The following NEK10 variants were observed in gnomAD, a reference collection of about 807,000 sequenced individuals.
NEK10 encodes serine/threonine-protein kinase Nek10.
NEK10 carries 122 observed loss-of-function variants against 159.8 expected under a neutral mutation model. The ratio of observed to expected loss-of-function variants is 0.76; its 90% CI spans 0.66 to 0.89. NEK10 has a LOEUF of 0.89. Ranked by LOEUF, NEK10 falls within the 40% of genes least tolerant of loss-of-function variation. The pLI is 0.00. For synonymous variants in NEK10, 466 were observed against 457.1 expected, an observed-to-expected ratio of 1.02 and a Z score of -0.25; for missense variants, 1,342 against 1,323.1, an observed-to-expected ratio of 1.01 and a Z score of -0.22.
At chr3:27,166,507 A>G (rs920235071) in intron 29 of NEK10, among the ~76,000 whole-genome samples, 1 of 152,206 alleles carries the variant, frequency 6.6e-6, no homozygotes, top group African/African-American at 2.4e-5. Context: ...CCAGATACAG[A>G]TTATGAAAAA....
intron 22 of NEK10, among the ~76,000 whole-genome samples, chr3:27,267,903 T>G (rs1392774772): frequency 6.6e-6 from 1 of 152,200 alleles, no homozygotes; most frequent in Admixed American, 6.5e-5. Context: ...CAAACAGCCA[T>G]GTTGTAATGG....
Position 27,174,783 on chromosome 3 carries a change from G to A in NEK10, c.2556C>T (p.Ser852=), listed in dbSNP as rs559171346. 19 of 1,611,438 alleles carry A rather than the reference G, an allele frequency of 1.2e-5. No homozygotes were observed. In the South Asian group the frequency reaches 1.9e-4, roughly 16 times the overall value. Residue 852 remains serine, a synonymous_variant, in exon 27 of 36, where the codon AGC becomes AGT. Coordinates refer to ENST00000691995, the MANE Select transcript of NEK10 (RefSeq NM_001394966.1). The part of the protein sequence containing the change: ...SLSSSSSGAA[S]LKSELSESAD... ...CGCTTTCTGAAAGTTCACTTTTCAG[G>A]CTGGCTGCTCCACTGCTGCTGCTAC... is the stretch of plus-strand genomic sequence containing the variant.
chr3:27,289,708 C>T (rs2042864807), intron 19 of NEK10, among the ~76,000 whole-genome samples: 2 of 152,322 alleles, frequency 1.3e-5, no homozygotes, highest in South Asian at 2.1e-4. Flanking sequence ...AATGAAAGAG[C>T]ACACTGTGGA....
At chr3:27,194,648 G>T (rs978097253) in intron 25 of NEK10, 1 of 152,154 alleles carries the variant, frequency 6.6e-6, no homozygotes, top group African/African-American at 2.4e-5. Flanking sequence ...ATTGAAAGGG[G>T]TGAAAAATAT....
intron 30 of NEK10, among the ~76,000 whole-genome samples, chr3:27,152,995 A>G (rs1325663568): frequency 6.6e-6 from 1 of 152,170 alleles, no homozygotes; most frequent in African/African-American, 2.4e-5. Flanking sequence ...CTAAAACTGG[A>G]GCTTCCAAAT....
chr3:27,294,897 C>T (rs753410173), intron 15 of NEK10, among the ~76,000 whole-genome samples: 10 of 152,104 alleles, frequency 6.6e-5, no homozygotes, highest in Non-Finnish European at 1.2e-4. Flanking sequence ...TAGAACCCTG[C>T]GTAACTGTTC....
At chr3:27,236,160 G>A (rs1302017388) in intron 23 of NEK10, among the ~76,000 whole-genome samples, 1 of 152,098 alleles carries the variant, frequency 6.6e-6, no homozygotes, top group Non-Finnish European at 1.5e-5. Flanking sequence ...GAGGGTGGAG[G>A]ATGGAAGGAG....
chr3:27,176,124 T>C (rs1947482186), intron 26 of NEK10, among the ~76,000 whole-genome samples: 2 of 152,186 alleles, frequency 1.3e-5, no homozygotes, highest in African/African-American at 2.4e-5. Context: ...TTATGTTCTA[T>C]AGGTAAGATG....
chr3:27,161,209 A>G (rs1163581194), intron 30 of NEK10, among the ~76,000 whole-genome samples: 4 of 152,238 alleles, frequency 2.6e-5, no homozygotes, highest in African/African-American at 9.6e-5. Context: ...TGCTGTTGGA[A>G]CATCAATTAA....
In NEK10 at chr3:27,163,415, G is replaced by T. The variant is rs187994345; in HGVS notation, c.2832-677C>A. Reference sequence around the variant, plus strand: ...CACCCAGGCTGGAGTGCAGTGACGCGATCTCAGCTCACTGAAACCTCCACC... The same window carrying T: ...CACCCAGGCTGGAGTGCAGTGACGCTATCTCAGCTCACTGAAACCTCCACC... On this transcript the variant is annotated intron_variant, in intron 29 of 35. Transcript: ENST00000691995. 2.6e-3 allele frequency among the ~76,000 whole-genome samples: 398 copies of T among 151,774 alleles called. 1 individual carries two copies. Among genetic ancestry groups the T allele is most frequent in the African/African-American group, 8.9e-3 (367 of 41,364 alleles).
At chr3:27,368,253 C>A (rs1018408408) in intron 1 of NEK10, among the ~76,000 whole-genome samples, 1 of 152,054 alleles carries the variant, frequency 6.6e-6, no homozygotes, top group Non-Finnish European at 1.5e-5. Flanking sequence ...GATCGCTCCA[C>A]TGCACTCCAG....
At chr3:27,277,249 C>T (rs1364780701) in intron 22 of NEK10, among the ~76,000 whole-genome samples, 2 of 151,988 alleles carry the variant, frequency 1.3e-5, no homozygotes, top group African/African-American at 2.4e-5. Flanking sequence ...AGGCCTAGAT[C>T]ACCCTAAGCT....
intron 26 of NEK10, among the ~76,000 whole-genome samples, chr3:27,182,630 G>A (rs1267791316): frequency 1.3e-5 from 2 of 152,054 alleles, no homozygotes; most frequent in Non-Finnish European, 2.9e-5. Context: ...GTATGTTGAA[G>A]AGATATCTGC....
At chr3:27,352,979 G>GT in intron 1 of NEK10, 60 bp from the exon 2 acceptor site, 1 of 764,280 alleles carries the variant, frequency 1.3e-6, no homozygotes, top group East Asian at 2.6e-5. Context: ...AATATTCTCA[G>GT]TTAATACAGA....
chr3:27,342,098 T>A (rs2047239542), intron 5 of NEK10, among the ~76,000 whole-genome samples: 1 of 152,110 alleles, frequency 6.6e-6, no homozygotes, highest in Non-Finnish European at 1.5e-5. Context: ...GAGGACCACA[T>A]GTCCTGTTAA....
chr3:27,248,479 T>C (rs1955321458), intron 23 of NEK10, among the ~76,000 whole-genome samples: 1 of 152,174 alleles, frequency 6.6e-6, no homozygotes. Flanking sequence ...TTCTTCTTTT[T>C]GGTTTAGGCA....
chr3:27,176,332 C>T (rs957753802), intron 26 of NEK10, among the ~76,000 whole-genome samples: 3 of 152,174 alleles, frequency 2.0e-5, no homozygotes, highest in African/African-American at 7.2e-5. Context: ...TGTTCAAAGG[C>T]TGTTTTATGA....
chr3:27,263,296 C>T (rs2040580572), intron 22 of NEK10, among the ~76,000 whole-genome samples: 2 of 152,220 alleles, frequency 1.3e-5, no homozygotes, highest in African/African-American at 4.8e-5. Context: ...TCTGTCCGTT[C>T]TCAGATCTCC....
At chr3:27,352,725 G>T in intron 2 of NEK10, 87 bp downstream of exon 2, 2 of 939,334 alleles carry the variant, frequency 2.1e-6, no homozygotes, top group Non-Finnish European at 1.7e-6. Flanking sequence ...GTTGTCAAGA[G>T]TCTTCTCTAT....
Sources: gnomAD v4.1 joint callset for allele counts (sites outside exome capture counted in the v4.1 genomes callset) on GRCh38, gnomAD v4.1.1 for gene constraint, MANE v1.5 for transcripts, NCBI Gene and HGNC (gene_info 2026-07-23, HGNC 2026-07-21) for gene names.